NKAIN3: variants seen among roughly 807,000 people sequenced by gnomAD.
The protein encoded by NKAIN3 is sodium/potassium-transporting ATPase subunit beta-1-interacting protein 3.
A neutral mutation model predicts 30.2 loss-of-function variants in NKAIN3; 25 were observed. That is an observed-to-expected ratio of 0.83 (90% CI 0.60 to 1.16). The LOEUF is 1.16. Among genes scored for constraint, NKAIN3 ranks in the 50% most tolerant of loss-of-function variants. The pLI, the probability that NKAIN3 is intolerant of heterozygous loss-of-function variation, is 0.00. For synonymous variants in NKAIN3, 91 were observed against 89.6 expected, an observed-to-expected ratio of 1.02 and a Z score of -0.09; for missense variants, 225 against 254.1, an observed-to-expected ratio of 0.89 and a Z score of 0.78.
chr8:62,774,319 T>G (rs1563555772), intron 4 of NKAIN3, among the ~76,000 whole-genome samples: 2 of 152,182 alleles, frequency 1.3e-5, no homozygotes. Flanking sequence ...AGTCTTTAGG[T>G]GTTACCAAAT....
In NKAIN3 at chr8:62,974,195, G is replaced by T. The variant is rs1823895295; in HGVS notation, c.*8788G>T. On this transcript the variant is annotated 3_prime_UTR_variant, in exon 7 of 7. Coordinates refer to ENST00000623646, the MANE Select transcript of NKAIN3 (RefSeq NM_001304533.3). The stretch of plus-strand genomic sequence containing the variant: ...ATTTAAAGTAGTTTTTTCTAATTCT[G>T]TGAAGAAAATCAATGTTAGTTTGAT... 8.4e-6 allele frequency among the ~76,000 whole-genome samples: 1 copy of T among 119,402 alleles called. No individual in the cohort carries two copies. Among genetic ancestry groups the T allele is most frequent in the African/African-American group, 3.0e-5 (1 of 33,804 alleles). The allele number at this position is 119,402 out of a possible 152,430, so 78.3% of individuals were successfully genotyped here. A position where few individuals can be genotyped will look rare whatever the true frequency, so the allele number is the denominator to read the frequency against.
chr8:62,974,575 GTT>G lies in NKAIN3; in HGVS notation c.*9171_*9172del, dbSNP rs1823904556. Among the ~76,000 whole-genome samples the G allele has an allele frequency of 6.6e-6, 1 of 152,126 alleles. No homozygotes were observed. On this transcript the variant is annotated 3_prime_UTR_variant, in exon 7 of 7. Transcript: ENST00000623646. ...GGAGTTTTGGGGTTGAGACAATGGG[GTT>G]TTCTAAATGTACAACCATATCATCT... is the stretch of plus-strand genomic sequence containing the variant.
At chr8:62,370,536 T>C (rs1816875336) in intron 1 of NKAIN3, among the ~76,000 whole-genome samples, 1 of 151,912 alleles carries the variant, frequency 6.6e-6, no homozygotes, top group Non-Finnish European at 1.5e-5. Flanking sequence ...ATCATATATG[T>C]ATTCCTCTAG....
chr8:62,842,270 G>GA (rs879506612), intron 4 of NKAIN3, among the ~76,000 whole-genome samples: 4 of 151,828 alleles, frequency 2.6e-5, no homozygotes, highest in Non-Finnish European at 5.9e-5. Context: ...AATAGCAACA[G>GA]AAAAAAATTT....
chr8:62,572,552 C>T (rs1256175206), intron 1 of NKAIN3, among the ~76,000 whole-genome samples: 2 of 152,154 alleles, frequency 1.3e-5, no homozygotes, highest in Non-Finnish European at 2.9e-5. Context: ...TCTGTTTCCA[C>T]ACTGCTGATA....
rs966547600 is a variant in NKAIN3 at position 62,966,991 on chromosome 8, A to G, written c.*1584A>G. 4.3e-4 allele frequency among the ~76,000 whole-genome samples: 66 copies of G among 152,344 alleles called. No individual in the cohort carries two copies. Among genetic ancestry groups the G allele is most frequent in the African/African-American group, 1.5e-3 (64 of 41,580 alleles). Reference sequence around the variant, plus strand: ...TCATTCCTCCAAGCTCATCACAACCACAGTGAGCCATTTGGAGACCTAATT... The same window carrying G: ...TCATTCCTCCAAGCTCATCACAACCGCAGTGAGCCATTTGGAGACCTAATT... On this transcript the variant is annotated 3_prime_UTR_variant, in exon 7 of 7. Coordinates refer to ENST00000623646, the MANE Select transcript of NKAIN3 (RefSeq NM_001304533.3).
intron 1 of NKAIN3, among the ~76,000 whole-genome samples, chr8:62,338,662 C>A (rs959585570): frequency 6.6e-6 from 1 of 151,746 alleles, no homozygotes; most frequent in African/African-American, 2.4e-5. Flanking sequence ...CACAATAGGC[C>A]ATCTGCAAGC....
At chr8:62,329,110 C>A (rs1815248338) in intron 1 of NKAIN3, among the ~76,000 whole-genome samples, 1 of 151,900 alleles carries the variant, frequency 6.6e-6, no homozygotes, top group Non-Finnish European at 1.5e-5. Context: ...AGAAGTATAT[C>A]TTCTCAGCCC....
chr8:62,747,060 T>G lies in NKAIN3; in HGVS notation c.402T>G (p.Ser134=). The G allele has an allele frequency of 6.2e-7, 1 of 1,613,770 alleles. No homozygotes were observed. The highest frequency in any genetic ancestry group is 8.5e-7 in the Non-Finnish European group (1 of 1,179,682). Residue 134 remains serine, a synonymous_variant, in exon 4 of 7, where the codon TCT becomes TCG. Transcript: ENST00000623646. ...TGATGGACGATTACACGTACGTCTC[T>G]GTCACAGGCTGCATCGTTGACTTCC... The part of the protein sequence containing the change: ...HGMMDDYTYV[S]VTGCIVDFQY...
chr8:62,955,916 A>T (rs542224323), intron 6 of NKAIN3, among the ~76,000 whole-genome samples: 1 of 152,364 alleles, frequency 6.6e-6, no homozygotes, highest in African/African-American at 2.4e-5. Flanking sequence ...ATAAACTACA[A>T]GCTATTCTCT....
chr8:62,338,284 A>G lies in NKAIN3; in HGVS notation c.54+89157A>G, dbSNP rs373074988. 4.6e-5 allele frequency among the ~76,000 whole-genome samples: 7 copies of G among 152,144 alleles called. 1 individual carries two copies. The highest frequency in any genetic ancestry group is 6.6e-5 in the Admixed American group (1 of 15,262). On this transcript the variant is annotated intron_variant, in intron 1 of 6. Transcript: ENST00000623646. The stretch of plus-strand genomic sequence containing the variant: ...CTTGAAAAAGAAAAAAATGGGAAAT[A>G]ATTATAAAATAAATTATACTATACC...
intron 4 of NKAIN3, among the ~76,000 whole-genome samples, chr8:62,907,743 G>A (rs1821824152): frequency 6.6e-6 from 1 of 152,194 alleles, no homozygotes; most frequent in Non-Finnish European, 1.5e-5. Flanking sequence ...TAAGAACTGA[G>A]GTTTGAGAAC....
chr8:62,701,229 A>G (rs952725657), intron 3 of NKAIN3, among the ~76,000 whole-genome samples: 1 of 152,200 alleles, frequency 6.6e-6, no homozygotes, highest in African/African-American at 2.4e-5. Flanking sequence ...CCATCTGGGC[A>G]TTTTAAAACA....
chr8:62,275,858 T>A (rs1812936009), intron 1 of NKAIN3, among the ~76,000 whole-genome samples: 1 of 152,202 alleles, frequency 6.6e-6, no homozygotes, highest in Non-Finnish European at 1.5e-5. Flanking sequence ...TGCTTACCGT[T>A]TATTTTCTTC....
chr8:62,834,943 C>A (rs1294435553), intron 4 of NKAIN3, among the ~76,000 whole-genome samples: 1 of 152,060 alleles, frequency 6.6e-6, no homozygotes, highest in Non-Finnish European at 1.5e-5. Context: ...AATAAGGCAG[C>A]AGTAATCAAA....
intron 1 of NKAIN3, among the ~76,000 whole-genome samples, chr8:62,528,930 C>T (rs1466141302): frequency 6.6e-6 from 1 of 152,030 alleles, no homozygotes; most frequent in Non-Finnish European, 1.5e-5. Context: ...TAATTTTATA[C>T]ATAAGAAAAA....
At chr8:62,708,104 A>G (rs1338467537) in intron 3 of NKAIN3, among the ~76,000 whole-genome samples, 2 of 152,142 alleles carry the variant, frequency 1.3e-5, no homozygotes, top group African/African-American at 4.8e-5. Context: ...TTATACTGGT[A>G]CCATACTGTT....
At chr8:62,650,804 A>T (rs1812599354) in intron 3 of NKAIN3, among the ~76,000 whole-genome samples, 1 of 152,142 alleles carries the variant, frequency 6.6e-6, no homozygotes, top group Non-Finnish European at 1.5e-5. Flanking sequence ...TGAGGATAGA[A>T]ATAAAGGTCA....
chr8:62,578,388 T>A (rs927388018), intron 1 of NKAIN3, among the ~76,000 whole-genome samples: 43 of 152,144 alleles, frequency 2.8e-4, no homozygotes, highest in African/African-American at 1.0e-3. Flanking sequence ...ACCTCATAAT[T>A]TCTGTCTGGT....
Sources: allele counts gnomAD v4.1 joint callset (sites outside exome capture counted in the v4.1 genomes callset), GRCh38; gene constraint gnomAD v4.1.1; transcripts MANE v1.5; gene names NCBI Gene and HGNC (gene_info 2026-07-23, HGNC 2026-07-21).